Variants in SHLD2 observed in about 807,000 individuals in gnomAD.
SHLD2 encodes RINN1-REV7-interacting novel NHEJ regulator 2.
A neutral mutation model predicts 73.2 loss-of-function variants in SHLD2; 30 were observed. The ratio of observed to expected loss-of-function variants is 0.41; its 90% CI spans 0.31 to 0.56. The LOEUF is 0.56. SHLD2 is among the 20% of genes least tolerant of loss of function. SHLD2 has a pLI of 0.28. For missense variants in SHLD2, 745 were observed against 1,055.9 expected (o/e 0.71, Z 4.08); for synonymous variants, 285 against 370.1 (o/e 0.77, Z 2.64).
upstream of SHLD2, chr10:87,094,789 G>A: frequency 6.6e-7 from 1 of 1,521,020 alleles, no homozygotes; most frequent in Non-Finnish European, 8.9e-7. The surrounding 1 kb of genome is among the most constrained non-coding windows in gnomAD (Gnocchi z 6.6). Flanking sequence ...CGGAGGGGAG[G>A]TGCGTGATGG....
chr10:87,102,053 C>A (rs1181732534), intron 2 of SHLD2, among the ~76,000 whole-genome samples: 1 of 152,032 alleles, frequency 6.6e-6, no homozygotes, highest in African/African-American at 2.4e-5. Context: ...TGTTTTATTT[C>A]ATTTTCTTGC....
intron 8 of SHLD2, among the ~76,000 whole-genome samples, chr10:87,183,201 G>A (rs529999139): frequency 0.011 from 1,607 of 152,300 alleles, 16 homozygotes; most frequent in Middle Eastern, 0.02. Context: ...GGTAAAGAGA[G>A]AGCACAGGTA....
At chr10:87,187,488 A>G (rs775155597) in intron 9 of SHLD2, among the ~76,000 whole-genome samples, 22 of 152,228 alleles carry the variant, frequency 1.4e-4, no homozygotes, top group African/African-American at 2.4e-4. Context: ...AGTGAAGTCA[A>G]TGAGTGTGTG....
At chr10:87,097,484 G>A (rs1309384421) in intron 2 of SHLD2, among the ~76,000 whole-genome samples, 2 of 152,102 alleles carry the variant, frequency 1.3e-5, no homozygotes, top group Admixed American at 6.5e-5. Flanking sequence ...GGCAGTGCTT[G>A]TAGTTCCAGC....
rs192846566 is a variant in SHLD2, at chr10:87,151,737, C to T, written c.383C>T (p.Thr128Ile). ...SNMQICGFKS[T>I]VPHFTEEEKY... Reference sequence around the variant, plus strand: ...ATGCAAATATGTGGATTTAAAAGCACAGTTCCGCATTTCACCGAAGAAGAA... The same window carrying T: ...ATGCAAATATGTGGATTTAAAAGCATAGTTCCGCATTTCACCGAAGAAGAA... Residue 128 changes from threonine to isoleucine, a missense_variant, in exon 3 of 10, where the codon ACA becomes ATA. Physicochemically the swap from Thr to Ile is moderately conservative, Grantham distance 89. Coordinates refer to ENST00000298786, the MANE Select transcript of SHLD2 (RefSeq NM_001330112.2). The T allele has an allele frequency of 2.5e-5, 41 of 1,611,898 alleles. No homozygotes were observed. In the East Asian group the frequency reaches 4.2e-4, roughly 17 times the overall value.
At position 87,145,994 on chromosome 10, in the gene SHLD2, C is replaced by T. The variant is rs1845579344; in HGVS notation, c.-5-5356C>T. Among the ~76,000 whole-genome samples the T allele has an allele frequency of 2.0e-5, 3 of 152,172 alleles. No individual in the cohort carries two copies. In the South Asian group the frequency reaches 6.2e-4, roughly 32 times the overall value. The stretch of plus-strand genomic sequence containing the variant: ...ATATTTTGTTTCCCCCTGCCCTTGC[C>T]AGTTTCCATCCTCCTACTCACATAC... On this transcript the variant is annotated intron_variant, in intron 2 of 9. Coordinates refer to ENST00000298786, the MANE Select transcript of SHLD2 (RefSeq NM_001330112.2).
chr10:87,186,974 T>C (rs1848660403), intron 8 of SHLD2, 111 bp from the exon 9 acceptor site: 1 of 685,240 alleles, frequency 1.5e-6, no homozygotes, highest in East Asian at 2.7e-5. Flanking sequence ...TTTTAGGCAT[T>C]CAAATTAATC....
intron 2 of SHLD2, among the ~76,000 whole-genome samples, chr10:87,128,979 T>C (rs1428478776): frequency 1.3e-5 from 2 of 152,208 alleles, no homozygotes; most frequent in East Asian, 3.8e-4. Context: ...CTTGGCGCAC[T>C]GCAACAACCT....
chr10:87,114,811 G>A (rs1843143746), intron 2 of SHLD2, among the ~76,000 whole-genome samples: 1 of 152,184 alleles, frequency 6.6e-6, no homozygotes, highest in Non-Finnish European at 1.5e-5. Context: ...GTAGTGAGTT[G>A]AAGATAACTG....
intron 2 of SHLD2, among the ~76,000 whole-genome samples, chr10:87,135,876 A>G (rs1224518824): frequency 6.6e-6 from 1 of 151,938 alleles, no homozygotes; most frequent in Non-Finnish European, 1.5e-5. Context: ...GACCTTGATC[A>G]TCTGGTTGAG....
Position 87,112,438 on chromosome 10 carries a change from G to A in SHLD2, c.-6+15449G>A, listed in dbSNP as rs186963952. The stretch of plus-strand genomic sequence containing the variant: ...CCAGCACTTTGAGAGACTAAGTCAG[G>A]AAGATCACTTGAGCCCAGAAGTTAG... On this transcript the variant is annotated intron_variant, in intron 2 of 9. Transcript: ENST00000298786. Among the ~76,000 whole-genome samples, 667 of 152,228 alleles carry A rather than the reference G, an allele frequency of 4.4e-3. 4 individuals carry two copies. Among genetic ancestry groups the A allele is most frequent in the Non-Finnish European group, 7.8e-3 (533 of 68,004 alleles).
chr10:87,182,167 C>G (rs1848355178), intron 8 of SHLD2, among the ~76,000 whole-genome samples: 1 of 152,158 alleles, frequency 6.6e-6, no homozygotes, highest in Non-Finnish European at 1.5e-5. Context: ...AAGTATGTGA[C>G]TCCAAAATCA....
rs536710448 is a variant in SHLD2 at position 87,189,830 on chromosome 10, C to T, written c.2516-654C>T. Among the ~76,000 whole-genome samples the T allele has an allele frequency of 2.6e-5, 4 of 152,126 alleles. No individual in the cohort carries two copies. In the East Asian group the frequency reaches 7.7e-4, roughly 29 times the overall value. Reference sequence around the variant, plus strand: ...AGATTCAATATTTAAGTGACCGATTCAAGATTCTTTTATATAAAAAATGAA... The same window carrying T: ...AGATTCAATATTTAAGTGACCGATTTAAGATTCTTTTATATAAAAAATGAA... On this transcript the variant is annotated intron_variant, in intron 9 of 9. Transcript: ENST00000298786.
intron 8 of SHLD2, among the ~76,000 whole-genome samples, chr10:87,185,416 C>T (rs542404224): frequency 9.0e-4 from 137 of 152,146 alleles, no homozygotes; most frequent in African/African-American, 3.2e-3. Context: ...GTTCATTTCT[C>T]TTGGGTATAT....
chr10:87,138,888 A>G (rs1844987760), intron 2 of SHLD2, among the ~76,000 whole-genome samples: 4 of 152,192 alleles, frequency 2.6e-5, no homozygotes, highest in Non-Finnish European at 4.4e-5. Context: ...AGGGGTTCCT[A>G]TAGGCAGTTT....
At chr10:87,119,267 C>T (rs1366714632) in intron 2 of SHLD2, among the ~76,000 whole-genome samples, 3 of 151,966 alleles carry the variant, frequency 2.0e-5, no homozygotes, top group African/African-American at 7.3e-5. Context: ...AAACATAGAC[C>T]TATTTATTGG....
intron 2 of SHLD2, among the ~76,000 whole-genome samples, chr10:87,097,263 CAAG>C (rs1350024025): frequency 6.6e-6 from 1 of 152,110 alleles, no homozygotes; most frequent in Non-Finnish European, 1.5e-5. Flanking sequence ...CACCTGAATT[CAAG>C]AAGGTGGAAT....
At chr10:87,097,580 A>C (rs560614223) in intron 2 of SHLD2, among the ~76,000 whole-genome samples, 3 of 152,208 alleles carry the variant, frequency 2.0e-5, no homozygotes, top group Admixed American at 1.3e-4. Context: ...CAACAGAGCG[A>C]GTCTTCATCT....
chr10:87,111,759 T>G (rs1052524493), intron 2 of SHLD2, among the ~76,000 whole-genome samples: 72 of 150,466 alleles, frequency 4.8e-4, no homozygotes, highest in Non-Finnish European at 8.7e-4. Flanking sequence ...ATTACAGGTG[T>G]GAGCCACTGC....
Sources: allele counts gnomAD v4.1 joint callset (sites outside exome capture counted in the v4.1 genomes callset), GRCh38; gene constraint gnomAD v4.1.1; non-coding constraint Gnocchi (gnomAD v3.1); transcripts MANE v1.5; gene names NCBI Gene and HGNC (gene_info 2026-07-23, HGNC 2026-07-21).